Variants in MTX2 observed in about 807,000 individuals in gnomAD.
The protein encoded by MTX2 is metaxin-2.
A neutral mutation model predicts 42.3 loss-of-function variants in MTX2; 35 were observed. That is an observed-to-expected ratio of 0.83 (90% CI 0.63 to 1.10). The LOEUF is 1.10. MTX2 is among the 50% of genes least tolerant of loss of function. The pLI is 0.00. For missense variants in MTX2, 307 were observed against 304.1 expected (o/e 1.01, Z -0.07); for synonymous variants, 119 against 100.9 (o/e 1.18, Z -1.08).
intron 3 of MTX2, among the ~76,000 whole-genome samples, chr2:176,307,446 AT>A (rs1684181655): frequency 2.0e-5 from 3 of 152,206 alleles, no homozygotes; most frequent in Admixed American, 2.0e-4. Context: ...GAAAAAAGTC[AT>A]TGGTAGCTTG....
intron 1 of MTX2, among the ~76,000 whole-genome samples, chr2:176,278,372 A>G (rs1692999785): frequency 6.6e-6 from 1 of 152,112 alleles, no homozygotes; most frequent in South Asian, 2.1e-4. Context: ...CTTAACAGCA[A>G]TATTATGTAA....
chr2:176,318,813 A>G (rs936531924), intron 3 of MTX2, among the ~76,000 whole-genome samples: 2 of 152,214 alleles, frequency 1.3e-5, no homozygotes, highest in African/African-American at 4.8e-5. Flanking sequence ...CATCCAGTAG[A>G]CATCATCACA....
chr2:176,330,690 T>A, intron 9 of MTX2, 30 bp downstream of exon 9: 1 of 1,468,592 alleles, frequency 6.8e-7, no homozygotes, highest in Non-Finnish European at 9.4e-7. Context: ...TAAAGTTAAT[T>A]TTCTGTACTG....
At chr2:176,282,806 C>T (rs563434835) in intron 1 of MTX2, among the ~76,000 whole-genome samples, 7 of 151,588 alleles carry the variant, frequency 4.6e-5, no homozygotes, top group South Asian at 2.1e-4. Flanking sequence ...TGGGTTCATG[C>T]GATTGTCCTG....
chr2:176,283,424 A>G (rs998028636), intron 1 of MTX2, among the ~76,000 whole-genome samples: 3 of 152,134 alleles, frequency 2.0e-5, no homozygotes, highest in African/African-American at 7.2e-5. Flanking sequence ...CTGTGTTCTC[A>G]TACTCTTAAG....
intron 1 of MTX2, among the ~76,000 whole-genome samples, chr2:176,280,819 C>T (rs1172629534): frequency 6.6e-6 from 1 of 152,136 alleles, no homozygotes; most frequent in Admixed American, 6.5e-5. Flanking sequence ...CATTTAACAT[C>T]AAGAGAAAAG....
In MTX2 at chr2:176,302,475, C is replaced by T. The variant is rs565405767; in HGVS notation, c.135+4580C>T. On this transcript the variant is annotated intron_variant, in intron 3 of 9. Transcript: ENST00000249442. ...TTTTTGAGATGGAGTCTAGCTCTGT[C>T]GCCCAGGCTGGAGTGCAGTGGCGTG... Among the ~76,000 whole-genome samples the T allele has an allele frequency of 3.9e-5, 6 of 152,108 alleles. No individual in the cohort carries two copies. The East Asian group carries it at 7.7e-4, about 20-fold the overall frequency.
chr2:176,286,440 T>G (rs182813426), intron 1 of MTX2, among the ~76,000 whole-genome samples: 2 of 152,182 alleles, frequency 1.3e-5, no homozygotes, highest in Admixed American at 6.5e-5. Context: ...TTTCTGTGTT[T>G]TCAATCTTTG....
At chr2:176,299,401 GA>G (rs201329474) in intron 3 of MTX2, among the ~76,000 whole-genome samples, 1,657 of 152,088 alleles carry the variant, frequency 0.011, 36 homozygotes, top group African/African-American at 0.037. Flanking sequence ...GAGAAGGGGG[GA>G]AAAAATAAAT....
intron 3 of MTX2, among the ~76,000 whole-genome samples, chr2:176,308,138 C>A (rs750611567): frequency 9.2e-5 from 14 of 152,088 alleles, no homozygotes; most frequent in Non-Finnish European, 1.8e-4. Context: ...AAGGCCTTTT[C>A]TGCATCTGTT....
chr2:176,332,269 A>C (rs1684880701), intron 9 of MTX2, among the ~76,000 whole-genome samples: 1 of 151,366 alleles, frequency 6.6e-6, no homozygotes, highest in African/African-American at 2.4e-5. Flanking sequence ...AAGTACATTT[A>C]GAAAAAAGTA....
chr2:176,313,418 G>GA (rs1684364734), intron 3 of MTX2, among the ~76,000 whole-genome samples: 1 of 133,264 alleles, frequency 7.5e-6, no homozygotes, highest in Admixed American at 8.2e-5. Flanking sequence ...TTGGAGATAG[G>GA]GTCTCACTCT....
At chr2:176,283,843 T>C (rs565181887) in intron 1 of MTX2, among the ~76,000 whole-genome samples, 2 of 152,358 alleles carry the variant, frequency 1.3e-5, no homozygotes, top group African/African-American at 4.8e-5. Flanking sequence ...GCTGTTTTTG[T>C]ATCTGTTTTT....
chr2:176,307,041 G>T (rs538853470), intron 3 of MTX2, among the ~76,000 whole-genome samples: 141 of 152,278 alleles, frequency 9.3e-4, no homozygotes, highest in African/African-American at 3.2e-3. Flanking sequence ...ATGGTTTTAG[G>T]TCTAACATTT....
At chr2:176,271,498 A>T (rs1692805431) in intron 1 of MTX2, among the ~76,000 whole-genome samples, 1 of 152,196 alleles carries the variant, frequency 6.6e-6, no homozygotes, top group Non-Finnish European at 1.5e-5. Flanking sequence ...GGATTGGAAC[A>T]GGCATTTCAC....
intron 7 of MTX2, 49 bp downstream of exon 7, chr2:176,328,961 A>T: frequency 6.7e-7 from 1 of 1,488,536 alleles, no homozygotes. Context: ...ATGAGAAAAC[A>T]CTTTTGCTCA....
chr2:176,282,136 T>TTTTTTTTTTG (rs1693094507), intron 1 of MTX2, among the ~76,000 whole-genome samples: 5 of 138,458 alleles, frequency 3.6e-5, no homozygotes, highest in African/African-American at 1.3e-4. Flanking sequence ...GTTTTTTTTT[T>TTTTTTTTTTG]TTTTTTTTTT....
intron 1 of MTX2, among the ~76,000 whole-genome samples, chr2:176,278,271 G>T (rs1449641756): frequency 6.6e-6 from 1 of 151,658 alleles, no homozygotes; most frequent in Non-Finnish European, 1.5e-5. Flanking sequence ...GGCTGGTCTT[G>T]AACTGCTGAC....
intron 1 of MTX2, among the ~76,000 whole-genome samples, chr2:176,282,956 C>A (rs984142323): frequency 6.6e-6 from 1 of 152,128 alleles, no homozygotes; most frequent in Non-Finnish European, 1.5e-5. Context: ...CCCAACTTGG[C>A]CTCCCAAAGT....
Sources: gnomAD v4.1 joint callset for allele counts (sites outside exome capture counted in the v4.1 genomes callset) on GRCh38, gnomAD v4.1.1 for gene constraint, MANE v1.5 for transcripts, NCBI Gene and HGNC (gene_info 2026-07-23, HGNC 2026-07-21) for gene names.